Variants in SLC5A5 observed in about 807,000 individuals in gnomAD.
The protein encoded by SLC5A5 is solute carrier family 5 member 5.
In SLC5A5, 56 loss-of-function variants were observed where a neutral mutation model predicts 68.6. The ratio of observed to expected loss-of-function variants is 0.82; its 90% CI spans 0.66 to 1.02. The LOEUF (loss-of-function observed/expected upper bound fraction) is 1.02. SLC5A5 is among the 50% of genes least tolerant of loss of function. The pLI is 0.00. For missense variants in SLC5A5, 807 were observed against 859.8 expected, an observed-to-expected ratio of 0.94 and a Z score of 0.77; for synonymous variants, 398 against 373.0, an observed-to-expected ratio of 1.07 and a Z score of -0.77.
At chr19:17,881,083 A>G in intron 8 of SLC5A5, 130 bp downstream of exon 8, 4 of 760,966 alleles carry the variant, frequency 5.3e-6, no homozygotes, top group Non-Finnish European at 9.3e-6. Flanking sequence ...CTTGATCCCT[A>G]GAAGACAGCT....
chr19:17,894,029 C>A lies in SLC5A5; in HGVS notation c.*152C>A, dbSNP rs1599939471. 16 of 767,796 alleles carry A rather than the reference C, an allele frequency of 2.1e-5. No homozygotes were observed. The East Asian group carries it at 4.3e-4, about 21-fold the overall frequency. 47.6% of individuals were successfully genotyped at this position (767,796 alleles called of 1,614,324 possible). A position where few individuals can be genotyped will look rare whatever the true frequency, so the allele number is the denominator to read the frequency against. On this transcript the variant is annotated 3_prime_UTR_variant, in exon 15 of 15. Transcript: ENST00000222248. ...TACAATACCCTACCCTATGGGGAGG[C>A]CCTGCCTCCGGGAGGTCATTTTTTA... is the stretch of plus-strand genomic sequence containing the variant.
At chr19:17,877,642 C>T in intron 5 of SLC5A5, 81 bp from the exon 6 acceptor site, 2 of 1,563,458 alleles carry the variant, frequency 1.3e-6, no homozygotes, top group Non-Finnish European at 8.7e-7. Context: ...CTATAAGGTC[C>T]AGAAGCGCTG....
At position 17,876,866 on chromosome 19, in the gene SLC5A5, T is replaced by A. The variant is rs1021412078; in HGVS notation, c.698+760T>A. Among the ~76,000 whole-genome samples, 980 of 114,004 alleles carry A rather than the reference T, an allele frequency of 8.6e-3. 10 individuals carry two copies. The highest frequency in any genetic ancestry group is 0.062 in the East Asian group (209 of 3,386). The allele number at this position is 114,004 out of a possible 152,430, so 74.8% of individuals were successfully genotyped here. Reference sequence around the variant, plus strand: ...ACAGAGAGAGACTCCGTCCCCCCCCTAAAAAAAAAAAAAATTAGCAGGGCG... The same window carrying A: ...ACAGAGAGAGACTCCGTCCCCCCCCAAAAAAAAAAAAAAATTAGCAGGGCG... On this transcript the variant is annotated intron_variant, in intron 5 of 14. Coordinates refer to ENST00000222248, the MANE Select transcript of SLC5A5 (RefSeq NM_000453.3).
chr19:17,889,444 A>AGGAAGGAAGGAAGGAG (rs1342999228), intron 13 of SLC5A5, among the ~76,000 whole-genome samples: 1 of 149,076 alleles, frequency 6.7e-6, no homozygotes, highest in African/African-American at 2.5e-5. Context: ...GAAGGAAGGA[A>AGGAAGGAAGGAAGGAG]AGAGAAAGAG....
chr19:17,878,187 T>C, intron 7 of SLC5A5, 94 bp downstream of exon 7: 1 of 1,432,624 alleles, frequency 7.0e-7, no homozygotes, highest in Non-Finnish European at 9.7e-7. Flanking sequence ...GGGAATGGCC[T>C]GTGCAAAGGC....
At chr19:17,886,982 A>G (rs1293955914) in intron 12 of SLC5A5, among the ~76,000 whole-genome samples, 2 of 152,120 alleles carry the variant, frequency 1.3e-5, no homozygotes, top group Non-Finnish European at 2.9e-5. Context: ...GGCTGAGGCA[A>G]AGAGGATCGC....
rs1025468387 is a variant in SLC5A5 at position 17,894,681 on chromosome 19, C to T, written c.*804C>T. 6.6e-6 allele frequency: 1 copy of T among 152,212 alleles called. No homozygotes were observed. The highest frequency in any genetic ancestry group is 2.4e-5 in the African/African-American group (1 of 41,388). 9.4% of individuals were successfully genotyped at this position (152,212 alleles called of 1,614,324 possible). A position where few individuals can be genotyped will look rare whatever the true frequency, so the allele number is the denominator to read the frequency against. ...ATTGGGGAGGGGATGATTCAGACCC[C>T]ACATGGCCTCCAACCTTGGCCCACA... On this transcript the variant is annotated 3_prime_UTR_variant, in exon 15 of 15. Transcript: ENST00000222248.
rs1368482893 is a variant in SLC5A5 at position 17,874,404 on chromosome 19, A to G, written c.424-90A>G. On this transcript the variant is annotated intron_variant, in intron 2 of 14. Transcript: ENST00000222248. The stretch of plus-strand genomic sequence containing the variant: ...AAGACCCGGCCTATCTGCCCCGCCC[A>G]TATTCTGGGACCACCCTTCTGCCTC... The G allele has an allele frequency of 3.9e-6, 5 of 1,280,134 alleles. No individual in the cohort carries two copies. In the African/African-American group the frequency reaches 6.2e-5, roughly 16 times the overall value. 79.3% of individuals were successfully genotyped at this position (1,280,134 alleles called of 1,614,324 possible).
intron 4 of SLC5A5, 66 bp from the exon 5 acceptor site, chr19:17,875,886 A>T: frequency 6.6e-7 from 1 of 1,512,100 alleles, no homozygotes; most frequent in Non-Finnish European, 9.2e-7. Context: ...CATCAGTCCT[A>T]GGCACCACTG....
Position 17,880,098 on chromosome 19 carries a change from G to C in SLC5A5, c.970-767G>C, listed in dbSNP as rs2094317130. Among the ~76,000 whole-genome samples, 4 of 151,924 alleles carry C rather than the reference G, an allele frequency of 2.6e-5. No individual in the cohort carries two copies. The South Asian group carries it at 8.3e-4, about 32-fold the overall frequency. On this transcript the variant is annotated intron_variant, in intron 7 of 14. Transcript: ENST00000222248. ...GTATTTTTTGTAGGGGTGGGGTTTT[G>C]CCATGTTGGCCAGGCTGGTCTCAAA...
intron 13 of SLC5A5, among the ~76,000 whole-genome samples, 163 bp downstream of exon 13, chr19:17,888,618 A>ATTATTC (rs1314683505): frequency 2.4e-5 from 2 of 84,004 alleles, no homozygotes; most frequent in Non-Finnish European, 4.4e-5. Context: ...TATTATTATT[A>ATTATTC]TCATCATCAT....
At chr19:17,878,217 G>A (rs1377624186) in intron 7 of SLC5A5, 124 bp downstream of exon 7, 2 of 1,199,172 alleles carry the variant, frequency 1.7e-6, no homozygotes, top group Non-Finnish European at 2.4e-6. Flanking sequence ...GGAAAGAGCT[G>A]AGAGGAGGCC....
chr19:17,877,974 A>G lies in SLC5A5; in HGVS notation c.850A>G (p.Ile284Val), dbSNP rs552242192. The G allele has an allele frequency of 3.7e-6, 6 of 1,613,538 alleles. No homozygotes were observed. The East Asian group carries it at 1.3e-4, about 36-fold the overall frequency. ...TGCCTCTTCCCCCAGGGCCCTGCTC[A>G]TCAACCAGGTCGGCCTGTTCCTGAT... The part of the protein sequence containing the change: ...TEKQAKLALL[I>V]NQVGLFLIVS... Residue 284 changes from isoleucine to valine, a missense_variant, in exon 7 of 15, where the codon ATC (isoleucine) becomes GTC (valine). Transcript: ENST00000222248.
At position 17,875,313 on chromosome 19, in the gene SLC5A5, T is replaced by C. The variant is rs1301591872; in HGVS notation, c.543+582T>C. Among the ~76,000 whole-genome samples, 10 of 151,272 alleles carry C rather than the reference T, an allele frequency of 6.6e-5. No homozygotes were observed. The East Asian group carries it at 1.9e-3, about 29-fold the overall frequency. ...TGAACCCGGGAGGTGGAGGTTGCGG[T>C]GCGTGGAGATTGCGCCATTGCACTC... On this transcript the variant is annotated intron_variant, in intron 4 of 14. Coordinates refer to ENST00000222248, the MANE Select transcript of SLC5A5 (RefSeq NM_000453.3).
intron 7 of SLC5A5, among the ~76,000 whole-genome samples, chr19:17,878,444 G>A (rs572920615): frequency 3.9e-5 from 6 of 152,152 alleles, no homozygotes; most frequent in African/African-American, 1.4e-4. Context: ...GGCGGAGGTT[G>A]CGATGAAGGG....
intron 7 of SLC5A5, among the ~76,000 whole-genome samples, chr19:17,880,087 G>A (rs2094317086): frequency 6.6e-6 from 1 of 151,976 alleles, no homozygotes; most frequent in Admixed American, 6.6e-5. Flanking sequence ...TTTTTGTAGG[G>A]GTGGGGTTTT....
intron 10 of SLC5A5, 79 bp downstream of exon 10, chr19:17,882,298 C>G: frequency 8.7e-7 from 1 of 1,147,488 alleles, no homozygotes. Flanking sequence ...AACTGAGGCT[C>G]AGAGAGGTCA....
In SLC5A5 at chr19:17,874,730, T is replaced by C. The variant is rs2094302861; in HGVS notation, c.542T>C (p.Val181Ala). 1.2e-6 allele frequency: 2 copies of C among 1,614,086 alleles called. No homozygotes were observed. The highest frequency in any genetic ancestry group is 1.3e-5 in the African/African-American group (1 of 75,048). ...ATTATCTGCACCTTCTACACGGCTG[T>C]GGTGAGTGGCCCTGGGAACTCACTC... Reference protein sequence around the residue: ...TGIICTFYTAVGGMKAVVWTD... With the variant: ...TGIICTFYTAAGGMKAVVWTD... The change falls in exon 4 of 15, where the codon GTG (valine) becomes GCG (alanine). Residue 181 changes from valine (V) to alanine (A), a missense_variant and splice_region_variant. Coordinates refer to ENST00000222248, the MANE Select transcript of SLC5A5 (RefSeq NM_000453.3).
chr19:17,885,599 T>C (rs1360631969), intron 12 of SLC5A5, among the ~76,000 whole-genome samples: 1 of 152,080 alleles, frequency 6.6e-6, no homozygotes, highest in East Asian at 1.9e-4. Flanking sequence ...CAGGCTGGTC[T>C]CAAAGTATTG....
Sources: gnomAD v4.1 joint callset for allele counts (sites outside exome capture counted in the v4.1 genomes callset) on GRCh38, gnomAD v4.1.1 for gene constraint, MANE v1.5 for transcripts, NCBI Gene and HGNC (gene_info 2026-07-23, HGNC 2026-07-21) for gene names.